The following APBB2 variants were observed in gnomAD, a reference collection of about 807,000 sequenced individuals.
APBB2 encodes the protein amyloid beta precursor protein binding family B member 2, also known as Fe65-like 1.
Under a neutral mutation model 82.5 loss-of-function variants are expected in APBB2, and 38 were observed. The ratio of observed to expected loss-of-function variants is 0.46; its 90% confidence interval spans 0.36 to 0.60. APBB2 has a LOEUF of 0.60. Among genes scored for constraint, APBB2 ranks in the 20% least tolerant of loss-of-function variants. APBB2 has a pLI of 0.00. For synonymous variants in APBB2, 341 were observed against 368.2 expected, an observed-to-expected ratio of 0.93 and a Z score of 0.85; for missense variants, 772 against 972.3, an observed-to-expected ratio of 0.79 and a Z score of 2.74.
chr4:40,904,072 A>G (rs1352164404), intron 10 of APBB2, among the ~76,000 whole-genome samples: 3 of 152,020 alleles, frequency 2.0e-5, no homozygotes, highest in African/African-American at 7.3e-5. Flanking sequence ...TAGCCAGTAG[A>G]CAGCAACGGG....
intron 6 of APBB2, among the ~76,000 whole-genome samples, 160 bp downstream of exon 6, chr4:41,013,423 G>C (rs1808933080): frequency 6.6e-6 from 1 of 152,156 alleles, no homozygotes; most frequent in African/African-American, 2.4e-5. Flanking sequence ...GTTGAGGAAT[G>C]CAGTAATATT....
chr4:40,845,672 C>A (rs532137844), intron 12 of APBB2, among the ~76,000 whole-genome samples: 8 of 149,832 alleles, frequency 5.3e-5, no homozygotes, highest in African/African-American at 2.0e-4. Context: ...ACGCCATCTC[C>A]TGTTCCCTGG....
intron 7 of APBB2, among the ~76,000 whole-genome samples, chr4:40,935,864 G>A (rs1785266284): frequency 6.6e-6 from 1 of 151,964 alleles, no homozygotes; most frequent in African/African-American, 2.4e-5. Context: ...TGGCTTTGTT[G>A]CGAGAGCTCT....
chr4:40,903,477 A>G (rs558591407), intron 10 of APBB2, among the ~76,000 whole-genome samples: 1 of 152,308 alleles, frequency 6.6e-6, no homozygotes, highest in South Asian at 2.1e-4. Flanking sequence ...AAAAAAATAA[A>G]TAGATAAAAA....
Position 41,049,343 on chromosome 4 carries a change from C to T in APBB2, c.-50-16039G>A, listed in dbSNP as rs1422512968. ...CCGTCGGAGAAGTGAGGAGCGTCTC[C>T]GACCGGCAGCCGCCCCGTCCGGGAG... is the stretch of plus-strand genomic sequence containing the variant. On this transcript the variant is annotated intron_variant, in intron 4 of 17. Coordinates refer to ENST00000508593, the MANE Select transcript of APBB2 (RefSeq NM_004307.2). Among the ~76,000 whole-genome samples, 137 of 86,928 alleles carry T rather than the reference C, an allele frequency of 1.6e-3. 1 individual carries two copies. The highest frequency in any genetic ancestry group is 5.4e-3 in the African/African-American group (122 of 22,446). The allele number at this position is 86,928 out of a possible 152,430, so 57.0% of individuals were successfully genotyped here.
chr4:40,883,924 C>T (rs1367815913), intron 12 of APBB2, among the ~76,000 whole-genome samples: 2 of 152,176 alleles, frequency 1.3e-5, no homozygotes, highest in African/African-American at 2.4e-5. Flanking sequence ...CCCACAAAAA[C>T]GAGGCTCAGG....
intron 3 of APBB2, among the ~76,000 whole-genome samples, chr4:41,092,441 GA>G (rs1238167183): frequency 6.6e-6 from 1 of 152,150 alleles, no homozygotes; most frequent in African/African-American, 2.4e-5. Flanking sequence ...TTAAAGCGCA[GA>G]ACTAAGCAGC....
chr4:40,927,042 C>T (rs995155522), intron 10 of APBB2, among the ~76,000 whole-genome samples: 1 of 152,200 alleles, frequency 6.6e-6, no homozygotes, highest in Admixed American at 6.5e-5. Context: ...TATTTCATCT[C>T]CAGATGCCAC....
rs1172467103 is a variant in APBB2, at chr4:40,812,316, A to T, written c.*3776T>A. 6.6e-6 allele frequency: 1 copy of T among 152,242 alleles called. No homozygotes were observed. Among genetic ancestry groups the T allele is most frequent in the East Asian group, 1.9e-4 (1 of 5,202 alleles). The allele number at this position is 152,242 out of a possible 1,614,324, so 9.4% of individuals were successfully genotyped here. A position where few individuals can be genotyped will look rare whatever the true frequency, so the allele number is the denominator to read the frequency against. ...ATGAGCCGAACGTTTTATGCAGCTA[A>T]ATTTATTCTCACAACAAATTACATT... On this transcript the variant is annotated 3_prime_UTR_variant, in exon 18 of 18. Coordinates refer to ENST00000508593, the MANE Select transcript of APBB2 (RefSeq NM_004307.2).
At chr4:40,858,250 C>T (rs1381917041) in intron 12 of APBB2, among the ~76,000 whole-genome samples, 1 of 152,056 alleles carries the variant, frequency 6.6e-6, no homozygotes, top group African/African-American at 2.4e-5. Flanking sequence ...CAAGGTCTCT[C>T]ACTGACTGTA....
chr4:41,030,959 T>A (rs1304104730), intron 5 of APBB2, among the ~76,000 whole-genome samples: 2 of 152,116 alleles, frequency 1.3e-5, no homozygotes, highest in Admixed American at 6.5e-5. Flanking sequence ...GCGTGGTGAC[T>A]CACACCTGTA....
intron 7 of APBB2, among the ~76,000 whole-genome samples, chr4:40,944,421 T>G (rs964552077): frequency 2.6e-5 from 4 of 152,230 alleles, no homozygotes; most frequent in African/African-American, 9.6e-5. Flanking sequence ...TCAGGGTTAT[T>G]CTTGCAGACA....
At chr4:41,064,168 C>T (rs1253342399) in intron 4 of APBB2, among the ~76,000 whole-genome samples, 13 of 151,924 alleles carry the variant, frequency 8.6e-5, no homozygotes, top group East Asian at 1.9e-4. Flanking sequence ...TTAGTAGAGA[C>T]GGGGTTTCAC....
intron 12 of APBB2, among the ~76,000 whole-genome samples, chr4:40,862,997 G>A (rs1275771340): frequency 2.0e-5 from 3 of 152,118 alleles, no homozygotes; most frequent in Non-Finnish European, 4.4e-5. Context: ...GCTGTACATT[G>A]AGGATTCAAA....
Position 40,858,454 on chromosome 4 carries a change from C to CAAAAAAAAAAAAAAAAA in APBB2, c.1530-27894_1530-27878dup, listed in dbSNP as rs34433911. Among the ~76,000 whole-genome samples the CAAAAAAAAAAAAAAAAA allele has an allele frequency of 9.4e-3, 543 of 57,712 alleles. 27 individuals carry two copies. The highest frequency in any genetic ancestry group is 0.012 in the Non-Finnish European group (409 of 32,742). 37.9% of individuals were successfully genotyped at this position (57,712 alleles called of 152,430 possible). On this transcript the variant is annotated intron_variant, in intron 12 of 17. Coordinates refer to ENST00000508593, the MANE Select transcript of APBB2 (RefSeq NM_004307.2). Reference sequence around the variant, plus strand: ...TGAGTGACAGAGTGAGAGTCCGTCTCAAAAAAAAAAAAAAAAAAAAAAAAG... The same window carrying CAAAAAAAAAAAAAAAAA: ...TGAGTGACAGAGTGAGAGTCCGTCTCAAAAAAAAAAAAAAAAAAAAAAAAAAAAAAAAAAAAAAAAAG...
intron 6 of APBB2, among the ~76,000 whole-genome samples, chr4:41,012,548 G>A (rs1808673411): frequency 6.6e-6 from 1 of 152,100 alleles, no homozygotes; most frequent in African/African-American, 2.4e-5. Flanking sequence ...GATTTTTAAA[G>A]GGCACTTCAA....
intron 6 of APBB2, among the ~76,000 whole-genome samples, chr4:40,958,445 T>C (rs369028405): frequency 6.6e-6 from 1 of 152,176 alleles, no homozygotes; most frequent in Non-Finnish European, 1.5e-5. Flanking sequence ...GAGACAATTA[T>C]GGTAATCTCA....
intron 6 of APBB2, among the ~76,000 whole-genome samples, chr4:40,950,184 T>C (rs910211933): frequency 1.3e-5 from 2 of 152,188 alleles, no homozygotes; most frequent in African/African-American, 4.8e-5. Context: ...AGTATTACAA[T>C]ACCAATTGTT....
intron 10 of APBB2, among the ~76,000 whole-genome samples, chr4:40,932,789 A>C (rs1352116617): frequency 6.6e-6 from 1 of 152,246 alleles, no homozygotes; most frequent in Admixed American, 6.5e-5. Flanking sequence ...AGCAGGGGGA[A>C]GACGCTACAA....
Sources: allele counts gnomAD v4.1 joint callset (sites outside exome capture counted in the v4.1 genomes callset), GRCh38; gene constraint gnomAD v4.1.1; transcripts MANE v1.5; gene names NCBI Gene and HGNC (gene_info 2026-07-23, HGNC 2026-07-21).